Variants in AUTS2 observed in about 807,000 individuals in gnomAD.
The protein encoded by AUTS2 is activator of transcription and developmental regulator AUTS2, also known as autism susceptibility gene 2 protein.
In AUTS2, 17 loss-of-function variants were observed where a neutral mutation model predicts 112.4. The ratio of observed to expected loss-of-function variants is 0.15; its 90% CI spans 0.10 to 0.23. The LOEUF (loss-of-function observed/expected upper bound fraction) is 0.23. AUTS2 is among the 10% of genes least tolerant of loss of function. The pLI, the probability that AUTS2 is intolerant of heterozygous loss-of-function variation, is 1.00. For synonymous variants in AUTS2, 751 were observed against 702.7 expected (o/e 1.07, Z -1.09); for missense variants, 1,510 against 1,701.6 (o/e 0.89, Z 1.98).
chr7:70,249,556 G>C (rs905132243), intron 4 of AUTS2, among the ~76,000 whole-genome samples: 18 of 152,108 alleles, frequency 1.2e-4, no homozygotes, highest in African/African-American at 4.3e-4. Flanking sequence ...TTCCCCAAGT[G>C]ACTCCAATGA....
chr7:69,968,151 T>C (rs1279468968), intron 2 of AUTS2, among the ~76,000 whole-genome samples: 1 of 152,220 alleles, frequency 6.6e-6, no homozygotes, highest in African/African-American at 2.4e-5. Context: ...AAGGTAGATA[T>C]ATTTTTGGTT....
At position 70,766,110 on chromosome 7, in the gene AUTS2, C is replaced by G. The variant is rs1296921897; in HGVS notation, c.1469-4C>G. 1 of 1,611,448 alleles carries G rather than the reference C, an allele frequency of 6.2e-7. No individual in the cohort carries two copies. The highest frequency in any genetic ancestry group is 8.5e-7 in the Non-Finnish European group (1 of 1,177,764). On this transcript the variant is annotated splice_polypyrimidine_tract_variant and splice_region_variant and intron_variant, in intron 8 of 18. Transcript: ENST00000342771. This position sits in a 1 kb window ranked among gnomAD's most constrained non-coding sequence, Gnocchi z 4.8. ...GTCATCGTCTCCCTCTTCTTCTCTT[C>G]CAGAGCAAGACATCTTGCGACAGGA... is the stretch of plus-strand genomic sequence containing the variant.
At chr7:70,038,821 C>T (rs1027678560) in intron 2 of AUTS2, among the ~76,000 whole-genome samples, 5 of 152,036 alleles carry the variant, frequency 3.3e-5, no homozygotes, top group African/African-American at 7.2e-5. Context: ...CGCTGGAGTG[C>T]GATCTCAGCT....
chr7:70,412,817 C>G (rs1794831078), intron 4 of AUTS2, among the ~76,000 whole-genome samples: 1 of 152,094 alleles, frequency 6.6e-6, no homozygotes, highest in African/African-American at 2.4e-5. Flanking sequence ...ATGGTGAAAC[C>G]CTATCTCTAC....
chr7:70,324,056 G>A (rs1277899324), intron 4 of AUTS2, among the ~76,000 whole-genome samples: 1 of 152,196 alleles, frequency 6.6e-6, no homozygotes, highest in Non-Finnish European at 1.5e-5. Flanking sequence ...GGACAAAAGA[G>A]GAGCTATTTG....
At position 70,258,623 on chromosome 7, in the gene AUTS2, T is replaced by C. The variant is rs537631769; in HGVS notation, c.660+124052T>C. On this transcript the variant is annotated intron_variant, in intron 4 of 18. Transcript: ENST00000342771. ...AACATTTATCTAAGGACTATCTTAC[T>C]ACCCTGAGAGACCAAGATGTAGGCT... is the stretch of plus-strand genomic sequence containing the variant. Among the ~76,000 whole-genome samples the C allele has an allele frequency of 3.5e-3, 526 of 152,286 alleles. 4 individuals are homozygous for C. The highest frequency in any genetic ancestry group is 5.3e-3 in the Non-Finnish European group (361 of 68,016).
At chr7:70,289,669 G>A (rs191449658) in intron 4 of AUTS2, among the ~76,000 whole-genome samples, 6 of 152,242 alleles carry the variant, frequency 3.9e-5, no homozygotes, top group Non-Finnish European at 8.8e-5. Context: ...GGTTGTGTCT[G>A]GACCAAAGAC....
Position 70,358,042 on chromosome 7 carries a change from C to T in AUTS2, c.661-77710C>T, listed in dbSNP as rs187557292. ...ACAGTCTACAGTCCACTCCGGATGA[C>T]GTGGGGCTATGGATGAGCAGATGGG... On this transcript the variant is annotated intron_variant, in intron 4 of 18. Coordinates refer to ENST00000342771, the MANE Select transcript of AUTS2 (RefSeq NM_015570.4). 1.1e-4 allele frequency among the ~76,000 whole-genome samples: 17 copies of T among 152,236 alleles called. 1 individual carries two copies. Among genetic ancestry groups the T allele is most frequent in the South Asian group, 4.2e-4 (2 of 4,814 alleles).
intron 1 of AUTS2, among the ~76,000 whole-genome samples, chr7:69,853,737 A>G (rs1376556245): frequency 6.6e-6 from 1 of 152,138 alleles, no homozygotes; most frequent in East Asian, 1.9e-4. Context: ...TTCATGTTAT[A>G]TATATAACAC....
At chr7:70,055,031 A>G (rs910088216) in intron 2 of AUTS2, among the ~76,000 whole-genome samples, 1 of 152,042 alleles carries the variant, frequency 6.6e-6, no homozygotes, top group African/African-American at 2.4e-5. Context: ...ACTTTTGCCT[A>G]CTTCTTTCCT....
intron 2 of AUTS2, among the ~76,000 whole-genome samples, chr7:70,042,458 G>A (rs149772498): frequency 7.7e-4 from 117 of 152,214 alleles, no homozygotes; most frequent in Middle Eastern, 3.4e-3. Context: ...GGAAAACTTA[G>A]TAATACTGTT....
chr7:70,222,247 T>C (rs1811525865), intron 4 of AUTS2, among the ~76,000 whole-genome samples: 1 of 152,322 alleles, frequency 6.6e-6, no homozygotes, highest in East Asian at 1.9e-4. Context: ...TAAACAATAT[T>C]ATTTCTTACC....
chr7:69,606,368 A>G (rs576663903), intron 1 of AUTS2, among the ~76,000 whole-genome samples: 3 of 152,304 alleles, frequency 2.0e-5, no homozygotes, highest in African/African-American at 7.2e-5. Flanking sequence ...TCTAAGAGCT[A>G]CGAGATTTGG....
chr7:70,453,415 A>G (rs1308948174), intron 5 of AUTS2, among the ~76,000 whole-genome samples: 1 of 152,238 alleles, frequency 6.6e-6, no homozygotes, highest in Non-Finnish European at 1.5e-5. Flanking sequence ...AATGTAACAT[A>G]GGATGTGTTC....
intron 2 of AUTS2, among the ~76,000 whole-genome samples, chr7:70,052,897 C>T (rs990336835): frequency 1.1e-4 from 16 of 152,128 alleles, no homozygotes; most frequent in African/African-American, 3.6e-4. Flanking sequence ...TCAAGTCATG[C>T]ATGCTTTCTG....
intron 6 of AUTS2, among the ~76,000 whole-genome samples, chr7:70,721,138 G>A (rs189306297): frequency 1.3e-5 from 2 of 151,762 alleles, no homozygotes; most frequent in African/African-American, 4.8e-5. Context: ...TATGTCTTCT[G>A]CTCTACTGGG....
chr7:70,463,831 G>A (rs1269156491), intron 5 of AUTS2, among the ~76,000 whole-genome samples: 1 of 152,234 alleles, frequency 6.6e-6, no homozygotes, highest in Non-Finnish European at 1.5e-5. Context: ...GAAGGAGGAT[G>A]AAGACTGGCG....
intron 5 of AUTS2, among the ~76,000 whole-genome samples, chr7:70,566,711 C>T (rs1801723220): frequency 1.3e-5 from 2 of 152,124 alleles, no homozygotes; most frequent in South Asian, 4.1e-4. Flanking sequence ...AGGAATACTC[C>T]TCCAGTGAAG....
intron 2 of AUTS2, among the ~76,000 whole-genome samples, chr7:70,117,107 T>TTTTTTTTTTG (rs1391947300): frequency 2.8e-5 from 3 of 108,040 alleles, no homozygotes; most frequent in East Asian, 4.9e-4. Flanking sequence ...GACTTTTGTT[T>TTTTTTTTTTG]TTTTTTTTTG....
Sources: allele counts gnomAD v4.1 joint callset (sites outside exome capture counted in the v4.1 genomes callset), GRCh38; gene constraint gnomAD v4.1.1; non-coding constraint Gnocchi (gnomAD v3.1); transcripts MANE v1.5; gene names NCBI Gene and HGNC (gene_info 2026-07-23, HGNC 2026-07-21).